The following SGCD variants were observed in gnomAD, a reference collection of about 807,000 sequenced individuals.
SGCD encodes sarcoglycan delta.
A neutral mutation model predicts 36.6 loss-of-function variants in SGCD; 18 were observed. The observed-to-expected ratio is 0.49, with a 90% CI of 0.34 to 0.73. SGCD has a LOEUF of 0.73. Among genes scored for constraint, SGCD ranks in the 30% least tolerant of loss-of-function variants. The pLI is 0.01. For synonymous variants in SGCD, 133 were observed against 130.6 expected, an observed-to-expected ratio of 1.02 and a Z score of -0.12; for missense variants, 387 against 346.7, an observed-to-expected ratio of 1.12 and a Z score of -0.92.
At chr5:156,324,585 C>A (rs1278395446), upstream of SGCD, among the ~76,000 whole-genome samples, 4 of 152,128 alleles carry the variant, frequency 2.6e-5, no homozygotes, top group Non-Finnish European at 5.9e-5. Context: ...TCCAGATGCC[C>A]ACATTGAAAT....
rs6872612 is a variant in SGCD at position 156,386,435 on chromosome 5, G to C, written c.192+41758G>C. Reference sequence around the variant, plus strand: ...GCAAATACAATACATGTGGCCAAGGGTTATAATCATCGTCTGCATTATCAC... The same window carrying C: ...GCAAATACAATACATGTGGCCAAGGCTTATAATCATCGTCTGCATTATCAC... On this transcript the variant is annotated intron_variant, in intron 3 of 8. Coordinates refer to ENST00000337851, the MANE Select transcript of SGCD (RefSeq NM_000337.6). Among the ~76,000 whole-genome samples, 462 of 152,338 alleles carry C rather than the reference G, an allele frequency of 3.0e-3. 2 individuals carry two copies. The highest frequency in any genetic ancestry group is 0.01 in the African/African-American group (436 of 41,582).
intron 7 of SGCD, among the ~76,000 whole-genome samples, chr5:156,747,434 G>A (rs1280826158): frequency 1.3e-5 from 2 of 152,166 alleles, no homozygotes; most frequent in African/African-American, 4.8e-5. Flanking sequence ...ATTGGACAGG[G>A]CAGTGATCTT....
At chr5:156,360,591 G>C (rs1769735698) in intron 3 of SGCD, among the ~76,000 whole-genome samples, 1 of 151,778 alleles carries the variant, frequency 6.6e-6, no homozygotes, top group Non-Finnish European at 1.5e-5. Context: ...AACCTTTATT[G>C]CATACTCACA....
At chr5:155,967,888 T>A (rs1757934237) in intron 1 of SGCD, among the ~76,000 whole-genome samples, 2 of 152,056 alleles carry the variant, frequency 1.3e-5, no homozygotes, top group African/African-American at 4.8e-5. Flanking sequence ...TTCTTCCTCA[T>A]AATTGAACAT....
At chr5:156,713,952 A>T (rs190233873) in intron 7 of SGCD, among the ~76,000 whole-genome samples, 37 of 152,364 alleles carry the variant, frequency 2.4e-4, no homozygotes, top group African/African-American at 8.7e-4. Flanking sequence ...GGATCCTGGT[A>T]TGAGTCCCAA....
At chr5:155,791,657 C>T in the SGCD span, among the ~76,000 whole-genome samples, 1 of 151,936 alleles carries the variant, frequency 6.6e-6, no homozygotes, top group Non-Finnish European at 1.5e-5. Context: ...GTCCCATTTA[C>T]AATAGCAACA....
At chr5:156,186,047 A>G (rs11135087) in intron 3 of SGCD, among the ~76,000 whole-genome samples, 45,607 of 149,966 alleles carry the variant, frequency 0.3, 7,501 homozygotes, top group East Asian at 0.6. Flanking sequence ...TGGCCACTTT[A>G]ATGTTTACTA....
At chr5:156,689,302 C>T (rs1255031248) in intron 7 of SGCD, among the ~76,000 whole-genome samples, 1 of 152,160 alleles carries the variant, frequency 6.6e-6, no homozygotes, top group Non-Finnish European at 1.5e-5. Context: ...TGATAGCTCT[C>T]CTTGGGCTTC....
At chr5:156,367,245 G>T (rs1381172150) in intron 3 of SGCD, among the ~76,000 whole-genome samples, 1 of 152,204 alleles carries the variant, frequency 6.6e-6, no homozygotes, top group Admixed American at 6.5e-5. Context: ...GGTGAGAAAG[G>T]GGTAGAAAGA....
chr5:156,681,428 T>G (rs898772147), intron 7 of SGCD, among the ~76,000 whole-genome samples: 1 of 152,178 alleles, frequency 6.6e-6, no homozygotes, highest in Admixed American at 6.5e-5. Context: ...CCACTGGTGT[T>G]GCTCTGCCAG....
intron 4 of SGCD, among the ~76,000 whole-genome samples, chr5:156,522,287 A>T (rs1470555490): frequency 6.6e-6 from 1 of 152,146 alleles, no homozygotes. Flanking sequence ...GCACATGTAT[A>T]CCTATGTATC....
At position 155,963,114 on chromosome 5, in the gene SGCD, G is replaced by C. The variant is rs61418602; in HGVS notation, c.-282+92690G>C. ...GGGACAAAGGTTTTCTGTCACCATG[G>C]GTATTGGCAAGAGTGCCTTATGCAC... is the stretch of plus-strand genomic sequence containing the variant. On this transcript the variant is annotated intron_variant, in intron 1 of 9. Coordinates refer to the SGCD transcript ENST00000517913. Among the ~76,000 whole-genome samples the C allele has an allele frequency of 2.2e-4, 33 of 152,080 alleles. No homozygotes were observed. In the East Asian group the frequency reaches 6.4e-3, roughly 30 times the overall value.
At chr5:155,778,107 G>A in the SGCD span, among the ~76,000 whole-genome samples, 1 of 152,108 alleles carries the variant, frequency 6.6e-6, no homozygotes, top group Admixed American at 6.6e-5. Context: ...GACATGAAGG[G>A]GATGTCAAAA....
intron 3 of SGCD, among the ~76,000 whole-genome samples, chr5:156,268,327 T>G (rs1002036763): frequency 2.0e-5 from 3 of 152,318 alleles, no homozygotes; most frequent in Admixed American, 6.5e-5. Flanking sequence ...GTAGAATAAT[T>G]TATATTCCTC....
At chr5:155,730,445 CTG>C in the SGCD span, among the ~76,000 whole-genome samples, 3,673 of 137,236 alleles carry the variant, frequency 0.027, 182 homozygotes, top group African/African-American at 0.095. Context: ...GGTAGAGCAG[CTG>C]TGTGTGTGTG....
At chr5:156,484,817 G>A (rs957058795) in intron 3 of SGCD, among the ~76,000 whole-genome samples, 7 of 152,176 alleles carry the variant, frequency 4.6e-5, no homozygotes, top group Non-Finnish European at 2.9e-5. Context: ...GGCCATTTAT[G>A]TCACAGTGTT....
rs185068841 is a variant in SGCD, at chr5:156,548,181, C to G, written c.294+39479C>G. Among the ~76,000 whole-genome samples the G allele has an allele frequency of 2.6e-5, 4 of 152,266 alleles. No individual in the cohort carries two copies. The East Asian group carries it at 7.7e-4, about 29-fold the overall frequency. ...ATCCTCTTTTTAGGTGTTAATGGCCCAAATGGACTTAGCAATCCACCCCAC... is the reference window on the plus strand; with the variant it reads ...ATCCTCTTTTTAGGTGTTAATGGCCGAAATGGACTTAGCAATCCACCCCAC... On this transcript the variant is annotated intron_variant, in intron 4 of 8. Coordinates refer to ENST00000337851, the MANE Select transcript of SGCD (RefSeq NM_000337.6).
chr5:156,352,917 C>A (rs10059872), intron 3 of SGCD, among the ~76,000 whole-genome samples: 20,645 of 152,136 alleles, frequency 0.14, 1,811 homozygotes, highest in African/African-American at 0.25. Flanking sequence ...TGCCCATTTT[C>A]CAAGGGCTAT....
intron 7 of SGCD, among the ~76,000 whole-genome samples, chr5:156,707,037 A>G (rs756029349): frequency 2.0e-5 from 3 of 152,206 alleles, no homozygotes; most frequent in East Asian, 1.9e-4. Context: ...AGTGACATGT[A>G]TTCCAAAAAA....
Sources: allele counts gnomAD v4.1 joint callset (sites outside exome capture counted in the v4.1 genomes callset), GRCh38; gene constraint gnomAD v4.1.1; transcripts MANE v1.5; gene names NCBI Gene and HGNC (gene_info 2026-07-23, HGNC 2026-07-21).